Variants in RPTOR observed in about 807,000 individuals in gnomAD.
RPTOR encodes the protein regulatory-associated protein of mTOR.
RPTOR carries 21 observed loss-of-function variants against 169.9 expected under a neutral mutation model. The ratio of observed to expected loss-of-function variants is 0.12; its 90% CI spans 0.09 to 0.18. The LOEUF (loss-of-function observed/expected upper bound fraction) is 0.18, where lower values mean the gene tolerates loss of function less well. Among genes scored for constraint, RPTOR ranks in the 10% least tolerant of loss-of-function variants. The pLI is 1.00. For missense variants in RPTOR, 1,133 were observed against 1,855.9 expected (o/e 0.61, Z 7.16); for synonymous variants, 732 against 753.2 (o/e 0.97, Z 0.46).
intron 7 of RPTOR, chr17:80,802,736 G>A (rs913505173): frequency 1.3e-5 from 2 of 152,432 alleles, no homozygotes; most frequent in African/African-American, 2.4e-5. Context: ...TGCAGAGCGA[G>A]GAAGAGGCCG....
intron 1 of RPTOR, among the ~76,000 whole-genome samples, chr17:80,560,476 C>T (rs1395823460): frequency 6.6e-6 from 1 of 152,062 alleles, no homozygotes; most frequent in Non-Finnish European, 1.5e-5. Context: ...GATGACAGTG[C>T]AGGAGGCAGG....
intron 1 of RPTOR, among the ~76,000 whole-genome samples, chr17:80,565,412 G>C (rs2084569136): frequency 6.6e-6 from 1 of 152,210 alleles, no homozygotes; most frequent in African/African-American, 2.4e-5. Context: ...CACACCATGG[G>C]GGGTGTAGGA....
chr17:80,940,366 C>A, intron 24 of RPTOR, 130 bp from the exon 25 acceptor site: 1 of 661,384 alleles, frequency 1.5e-6, no homozygotes, highest in Non-Finnish European at 2.6e-6. Context: ...AGATGCCACA[C>A]CCTTTCGTAT....
chr17:80,663,496 G>T (rs2065740287), intron 3 of RPTOR, among the ~76,000 whole-genome samples: 2 of 152,142 alleles, frequency 1.3e-5, no homozygotes, highest in African/African-American at 4.8e-5. Context: ...TCAGTGAGCT[G>T]GGAGGTATTT....
rs1436550921 is a variant in RPTOR at position 80,788,853 on chromosome 17, T to C, written c.831-2597T>C. Among the ~76,000 whole-genome samples, 4 of 152,352 alleles carry C rather than the reference T, an allele frequency of 2.6e-5. No homozygotes were observed. In the East Asian group the frequency reaches 7.7e-4, roughly 29 times the overall value. ...TGAGCCATTTTTATTACCTCTGCCTTTGCCCACTCTTTGACCTTTCATTGC... is the reference window on the plus strand; with the variant it reads ...TGAGCCATTTTTATTACCTCTGCCTCTGCCCACTCTTTGACCTTTCATTGC... On this transcript the variant is annotated intron_variant, in intron 6 of 33. Transcript: ENST00000306801.
intron 6 of RPTOR, chr17:80,774,256 G>A (rs1338453160): frequency 4.1e-6 from 4 of 985,422 alleles, no homozygotes; most frequent in Non-Finnish European, 2.4e-6. Context: ...TGATGCTCAC[G>A]CTCCGGTGTG....
chr17:80,785,467 T>A (rs1395130390), intron 6 of RPTOR, among the ~76,000 whole-genome samples: 1 of 152,238 alleles, frequency 6.6e-6, no homozygotes, highest in African/African-American at 2.4e-5. Flanking sequence ...CTGTTTCGTG[T>A]TGCTCTTTGA....
At chr17:80,934,156 CTTTGT>C (rs1323474664) in intron 24 of RPTOR, among the ~76,000 whole-genome samples, 1 of 149,494 alleles carries the variant, frequency 6.7e-6, no homozygotes, top group East Asian at 1.9e-4. Context: ...AGTTTTCTTG[CTTTGT>C]TTTGTTTCAG....
At chr17:80,809,581 C>A (rs974032978) in intron 7 of RPTOR, among the ~76,000 whole-genome samples, 1 of 152,158 alleles carries the variant, frequency 6.6e-6, no homozygotes, top group African/African-American at 2.4e-5. Flanking sequence ...TGCTATTGGC[C>A]ATTAATTTAT....
intron 29 of RPTOR, among the ~76,000 whole-genome samples, chr17:80,958,449 C>T (rs1362072803): frequency 6.0e-5 from 7 of 116,896 alleles, no homozygotes; most frequent in Admixed American, 4.7e-4. Flanking sequence ...CTTGCCTTGT[C>T]GCCCAGGCTG....
At chr17:80,565,843 A>G (rs534063636) in intron 1 of RPTOR, among the ~76,000 whole-genome samples, 1 of 152,384 alleles carries the variant, frequency 6.6e-6, no homozygotes, top group South Asian at 2.1e-4. Context: ...AGCACAGCCA[A>G]CCTTACCAAA....
chr17:80,831,411 A>G (rs2143650297), intron 9 of RPTOR, among the ~76,000 whole-genome samples: 1 of 152,360 alleles, frequency 6.6e-6, no homozygotes, highest in African/African-American at 2.4e-5. Context: ...GCGTGTTAAC[A>G]TTCGAAGTCT....
intron 3 of RPTOR, among the ~76,000 whole-genome samples, chr17:80,688,102 GC>G (rs1400214911): frequency 6.6e-6 from 1 of 152,196 alleles, no homozygotes; most frequent in Non-Finnish European, 1.5e-5. Flanking sequence ...TAACTGGGAT[GC>G]TTTTATTGAT....
intron 29 of RPTOR, among the ~76,000 whole-genome samples, chr17:80,958,336 C>T (rs142221467): frequency 0.033 from 5,038 of 151,610 alleles, 290 homozygotes; most frequent in African/African-American, 0.11. Context: ...GGCAATCTTC[C>T]TGCCTTGGCC....
intron 1 of RPTOR, among the ~76,000 whole-genome samples, chr17:80,559,441 C>A (rs1302942721): frequency 6.6e-6 from 1 of 152,174 alleles, no homozygotes; most frequent in Non-Finnish European, 1.5e-5. Context: ...CTGTGCCCTC[C>A]CTGCCCCAGT....
At chr17:80,833,727 C>T (rs1474244544) in intron 9 of RPTOR, among the ~76,000 whole-genome samples, 1 of 152,216 alleles carries the variant, frequency 6.6e-6, no homozygotes, top group Non-Finnish European at 1.5e-5. Flanking sequence ...CAATGGCTCA[C>T]GCCTGTAATC....
In RPTOR at chr17:80,846,480, C is replaced by T. The variant is rs922237067; in HGVS notation, c.1220C>T (p.Pro407Leu). 6 of 1,613,940 alleles carry T rather than the reference C, an allele frequency of 3.7e-6. No homozygotes were observed. The highest frequency in any genetic ancestry group is 2.5e-6 in the Non-Finnish European group (3 of 1,180,016). ...IEEGTAFRHS[P>L]FFAEQLTAFQ... ...GTTCTGCTTGCCCCGCAGCACAGCC[C>T]GTTCTTCGCCGAGCAGCTGACCGCA... The change falls in exon 11 of 34, where the codon CCG (proline) becomes CTG (leucine). Residue 407 changes from proline to leucine, a missense_variant. Around this residue, in one of 9 missense-constraint regions of RPTOR, gnomAD observed 289 missense variants for 585.8 expected, o/e 0.49. Coordinates refer to ENST00000306801, the MANE Select transcript of RPTOR (RefSeq NM_020761.3).
chr17:80,749,967 C>T (rs1279923862), intron 5 of RPTOR, among the ~76,000 whole-genome samples: 1 of 152,126 alleles, frequency 6.6e-6, no homozygotes, highest in Non-Finnish European at 1.5e-5. Flanking sequence ...CCTCACACCT[C>T]AGCCTCTTGA....
At chr17:80,566,543 G>A (rs1470266579) in intron 1 of RPTOR, among the ~76,000 whole-genome samples, 1 of 152,086 alleles carries the variant, frequency 6.6e-6, no homozygotes, top group African/African-American at 2.4e-5. Flanking sequence ...TTTCCTGGCT[G>A]GGTGCGGTGG....
Sources: gnomAD v4.1 joint callset for allele counts (sites outside exome capture counted in the v4.1 genomes callset) on GRCh38, gnomAD v4.1.1 for gene constraint, gnomAD v4.1.1 regional missense constraint, MANE v1.5 for transcripts, NCBI Gene and HGNC (gene_info 2026-07-23, HGNC 2026-07-21) for gene names.